The following ACSL3 variants were observed in gnomAD, a reference collection of about 807,000 sequenced individuals.
ACSL3 encodes fatty acid CoA ligase Acsl3.
Under a neutral mutation model 84.7 loss-of-function variants are expected in ACSL3, and 34 were observed. The ratio of observed to expected loss-of-function variants is 0.40; its 90% confidence interval spans 0.31 to 0.53. ACSL3 has a LOEUF of 0.53. Among genes scored for constraint, ACSL3 ranks in the 20% least tolerant of loss-of-function variants. The probability of loss-of-function intolerance (pLI) is 0.48; values close to 1 mark genes in which losing one functional copy is unlikely to be tolerated. For synonymous variants in ACSL3, 315 were observed against 299.4 expected, an observed-to-expected ratio of 1.05 and a Z score of -0.54; for missense variants, 680 against 873.1, an observed-to-expected ratio of 0.78 and a Z score of 2.79.
At chr2:222,939,889 A>G (rs1220944151) in intron 16 of ACSL3, among the ~76,000 whole-genome samples, 2 of 152,214 alleles carry the variant, frequency 1.3e-5, no homozygotes, top group African/African-American at 4.8e-5. Flanking sequence ...TCTTTCATGT[A>G]TCATATGGCT....
chr2:222,892,905 G>A (rs1695877276), intron 2 of ACSL3, among the ~76,000 whole-genome samples: 1 of 152,112 alleles, frequency 6.6e-6, no homozygotes, highest in Non-Finnish European at 1.5e-5. Flanking sequence ...CCCATTTATT[G>A]CAAGCTTGGT....
chr2:222,933,515 G>T (rs2106140769), intron 15 of ACSL3: 1 of 348,958 alleles, frequency 2.9e-6, no homozygotes, highest in Middle Eastern at 7.8e-4. Context: ...GTGTCCCATG[G>T]AGGGAGGTGA....
chr2:222,914,297 A>T (rs1446202588), intron 4 of ACSL3, among the ~76,000 whole-genome samples: 1 of 146,612 alleles, frequency 6.8e-6, no homozygotes, highest in Non-Finnish European at 1.5e-5. Context: ...ACAGGGTCTC[A>T]CTCTTGCCCA....
At chr2:222,904,187 C>T (rs1230114778) in intron 3 of ACSL3, among the ~76,000 whole-genome samples, 3 of 152,108 alleles carry the variant, frequency 2.0e-5, no homozygotes, top group Non-Finnish European at 4.4e-5. Context: ...AGGAGAATTG[C>T]TTGAACCTGG....
At position 222,908,749 on chromosome 2, in the gene ACSL3, G is replaced by A. The variant is rs776560167; in HGVS notation, c.-24G>A. On this transcript the variant is annotated 5_prime_UTR_variant, in exon 4 of 17. Coordinates refer to ENST00000357430, the MANE Select transcript of ACSL3 (RefSeq NM_004457.5). ...TCCTCCTAGATTCTCGCTGAAGTCTGTTAATTCTACTTTTTGAGTACTTAT... is the reference window on the plus strand; with the variant it reads ...TCCTCCTAGATTCTCGCTGAAGTCTATTAATTCTACTTTTTGAGTACTTAT... 1.3e-5 allele frequency: 20 copies of A among 1,560,604 alleles called. No individual in the cohort carries two copies. In the African/African-American group the frequency reaches 2.2e-4, roughly 18 times the overall value.
chr2:222,867,295 T>C (rs966444561), intron 1 of ACSL3, among the ~76,000 whole-genome samples: 1 of 152,226 alleles, frequency 6.6e-6, no homozygotes, highest in Non-Finnish European at 1.5e-5. Flanking sequence ...AACTAAAATA[T>C]TGACGCACTT....
chr2:222,925,554 T>C (rs964806707), intron 11 of ACSL3, among the ~76,000 whole-genome samples: 5 of 151,876 alleles, frequency 3.3e-5, no homozygotes, highest in African/African-American at 1.2e-4. Context: ...GAGCAATGAC[T>C]GCACCACTGC....
chr2:222,903,139 A>T lies in ACSL3; in HGVS notation c.-41+2359A>T, dbSNP rs183487304. On this transcript the variant is annotated intron_variant, in intron 3 of 16. Transcript: ENST00000357430. ...GAAATAGACGTAAAATTGAAGGTTG[A>T]TTTTCTTTTTTTTTTTGAGATGAGG... is the stretch of plus-strand genomic sequence containing the variant. Among the ~76,000 whole-genome samples the T allele has an allele frequency of 9.9e-5, 15 of 151,766 alleles. 1 individual carries two copies. In the East Asian group the frequency reaches 2.9e-3, roughly 29 times the overall value.
chr2:222,882,772 T>TTTTTTG (rs1695623365), intron 1 of ACSL3, among the ~76,000 whole-genome samples: 1 of 148,182 alleles, frequency 6.7e-6, no homozygotes, highest in Admixed American at 6.7e-5. Flanking sequence ...TTTTTTTTTT[T>TTTTTTG]TTTTTTTTGA....
intron 8 of ACSL3, among the ~76,000 whole-genome samples, chr2:222,922,066 T>C (rs1696754931): frequency 6.6e-6 from 1 of 152,346 alleles, no homozygotes; most frequent in East Asian, 1.9e-4. Context: ...CTCTTACGTA[T>C]GCATACATTT....
intron 16 of ACSL3, among the ~76,000 whole-genome samples, chr2:222,938,102 G>T (rs958948176): frequency 3.9e-5 from 6 of 152,038 alleles, no homozygotes; most frequent in African/African-American, 1.4e-4. Flanking sequence ...CCTCAAAAAA[G>T]ACCTTTTTAT....
intron 6 of ACSL3, 131 bp downstream of exon 6, chr2:222,918,286 C>A (rs2106125995): frequency 4.2e-6 from 2 of 476,280 alleles, no homozygotes; most frequent in East Asian, 6.6e-5. Context: ...GAATATCATA[C>A]TTTATTTTTT....
chr2:222,909,700 T>G (rs1226128796), intron 4 of ACSL3: 1 of 152,274 alleles, frequency 6.6e-6, no homozygotes, highest in Non-Finnish European at 1.5e-5. Context: ...GGTCTGAATC[T>G]TGGCTTTGCC....
chr2:222,911,556 G>T (rs1033267702), intron 4 of ACSL3, among the ~76,000 whole-genome samples: 1 of 152,146 alleles, frequency 6.6e-6, no homozygotes, highest in African/African-American at 2.4e-5. Context: ...GAAGTCTTAT[G>T]TTTCAGGAAG....
At chr2:222,928,318 T>G (rs1382988968) in intron 12 of ACSL3, among the ~76,000 whole-genome samples, 1 of 152,154 alleles carries the variant, frequency 6.6e-6, no homozygotes, top group Non-Finnish European at 1.5e-5. Flanking sequence ...TGGTGATACA[T>G]TACATGGGAA....
intron 1 of ACSL3, among the ~76,000 whole-genome samples, chr2:222,886,820 A>G (rs1695734154): frequency 6.6e-6 from 1 of 152,072 alleles, no homozygotes; most frequent in African/African-American, 2.4e-5. Flanking sequence ...GAGATTTCTC[A>G]TATACCCCTT....
intron 3 of ACSL3, among the ~76,000 whole-genome samples, chr2:222,907,806 T>C (rs1696333220): frequency 6.6e-6 from 1 of 151,936 alleles, no homozygotes; most frequent in African/African-American, 2.4e-5. Flanking sequence ...ACAATGGCTG[T>C]TCCCCTCTGC....
Position 222,909,210 on chromosome 2 carries a change from A to G in ACSL3, c.378+60A>G, listed in dbSNP as rs932376076. On this transcript the variant is annotated intron_variant, in intron 4 of 16. Transcript: ENST00000357430. The stretch of plus-strand genomic sequence containing the variant: ...GAATAAAATATCCTGTTAGAAATGA[A>G]GTAAAGGGCAAGCACAGCCTGCCTC... 12 of 1,515,090 alleles carry G rather than the reference A, an allele frequency of 7.9e-6. No homozygotes were observed. In the African/African-American group the frequency reaches 1.4e-4, roughly 18 times the overall value. The allele number at this position is 1,515,090 out of a possible 1,614,324, so 93.9% of individuals were successfully genotyped here. A position where few individuals can be genotyped will look rare whatever the true frequency, so the allele number is the denominator to read the frequency against.
intron 11 of ACSL3, among the ~76,000 whole-genome samples, chr2:222,925,682 TTAAGATTTTGC>T (rs1198908286): frequency 1.3e-5 from 2 of 152,256 alleles, no homozygotes; most frequent in Non-Finnish European, 2.9e-5. Flanking sequence ...GTGTTTTCAC[TTAAGATTTTGC>T]TATTTGTGAG....
Sources: gnomAD v4.1 joint callset for allele counts (sites outside exome capture counted in the v4.1 genomes callset) on GRCh38, gnomAD v4.1.1 for gene constraint, MANE v1.5 for transcripts, NCBI Gene and HGNC (gene_info 2026-07-23, HGNC 2026-07-21) for gene names.